The following FRMD4A variants were observed in gnomAD, a reference collection of about 807,000 sequenced individuals.
FRMD4A encodes FERM domain containing 4A, also known as FERM domain-containing protein 4A.
In FRMD4A, 29 loss-of-function variants were observed where a neutral mutation model predicts 129.1. The observed-to-expected ratio is 0.22, with a 90% confidence interval of 0.17 to 0.31. The LOEUF is 0.31. Ranked by LOEUF, FRMD4A falls within the 10% of genes least tolerant of loss-of-function variation. The pLI is 1.00. For synonymous variants in FRMD4A, 634 were observed against 571.6 expected (o/e 1.11, Z -1.56); for missense variants, 1,272 against 1,375.8 (o/e 0.92, Z 1.19).
At chr10:14,106,593 A>G (rs1271347154) in intron 2 of FRMD4A, among the ~76,000 whole-genome samples, 2 of 152,228 alleles carry the variant, frequency 1.3e-5, no homozygotes, top group African/African-American at 2.4e-5. Context: ...TTTTTCTCAC[A>G]TGATAAAAAT....
chr10:14,236,696 T>A (rs966406291), intron 2 of FRMD4A, among the ~76,000 whole-genome samples: 1 of 152,174 alleles, frequency 6.6e-6, no homozygotes, highest in African/African-American at 2.4e-5. Flanking sequence ...TACTGCCTTA[T>A]CTACTGGATG....
intron 16 of FRMD4A, among the ~76,000 whole-genome samples, chr10:13,672,718 A>C (rs7919131): frequency 0.51 from 78,121 of 151,870 alleles, 21,305 homozygotes; most frequent in African/African-American, 0.68. Flanking sequence ...CTCCCCCTCC[A>C]TCATTCTAGT....
rs550975129 is a variant in FRMD4A at position 13,802,059 on chromosome 10, T to C, written c.207-5471A>G. Among the ~76,000 whole-genome samples, 14 of 150,958 alleles carry C rather than the reference T, an allele frequency of 9.3e-5. No individual in the cohort carries two copies. The South Asian group carries it at 2.9e-3, about 32-fold the overall frequency. ...GCCACTCAGAGTATTTTTGTTATTA[T>C]GTGACTGATAACTATCTTTAAAGCT... On this transcript the variant is annotated intron_variant, in intron 4 of 24. Transcript: ENST00000357447.
At chr10:13,697,951 G>C (rs1159902271) in intron 14 of FRMD4A, among the ~76,000 whole-genome samples, 1 of 152,172 alleles carries the variant, frequency 6.6e-6, no homozygotes, top group African/African-American at 2.4e-5. Flanking sequence ...GGTCAGCATA[G>C]AAGTTACCAA....
chr10:14,149,502 G>C (rs1840238660), intron 2 of FRMD4A, among the ~76,000 whole-genome samples: 1 of 151,722 alleles, frequency 6.6e-6, no homozygotes, highest in South Asian at 2.1e-4. Flanking sequence ...CCATGCCTGG[G>C]TAGTTTTTGT....
At chr10:13,676,443 TTTTG>T (rs2084002632) in intron 15 of FRMD4A, among the ~76,000 whole-genome samples, 1 of 151,166 alleles carries the variant, frequency 6.6e-6, no homozygotes, top group African/African-American at 2.4e-5. Flanking sequence ...TTTTTTTTTT[TTTTG>T]TATTTTTAGT....
At chr10:14,180,297 G>A (rs1040541281) in intron 2 of FRMD4A, among the ~76,000 whole-genome samples, 1 of 152,156 alleles carries the variant, frequency 6.6e-6, no homozygotes, top group Non-Finnish European at 1.5e-5. Flanking sequence ...ATTAAGTATG[G>A]TAGTAGATAG....
intron 2 of FRMD4A, among the ~76,000 whole-genome samples, chr10:14,237,661 C>T (rs1288806809): frequency 6.6e-6 from 1 of 152,162 alleles, no homozygotes; most frequent in Non-Finnish European, 1.5e-5. Context: ...GAGAGAGAGA[C>T]AGACAGAGAC....
intron 2 of FRMD4A, among the ~76,000 whole-genome samples, chr10:14,324,147 A>G (rs1218439): frequency 0.85 from 129,040 of 152,176 alleles, 54,964 homozygotes; most frequent in Non-Finnish European, 0.88. Flanking sequence ...AAACAGGTCC[A>G]GCAGAAAATG....
chr10:13,862,064 A>G (rs569886212), intron 2 of FRMD4A, among the ~76,000 whole-genome samples: 1 of 152,328 alleles, frequency 6.6e-6, no homozygotes, highest in Admixed American at 6.5e-5. Flanking sequence ...AAGAAGGAAA[A>G]TGGTATCACA....
At chr10:14,327,035 G>T in intron 2 of FRMD4A, 1 of 398,516 alleles carries the variant, frequency 2.5e-6, no homozygotes, top group East Asian at 3.6e-5. Flanking sequence ...GAAAGAATCA[G>T]TGAGGTCCTC....
chr10:13,964,844 G>C (rs192323340), intron 2 of FRMD4A, among the ~76,000 whole-genome samples: 1 of 151,976 alleles, frequency 6.6e-6, no homozygotes, highest in Admixed American at 6.6e-5. Flanking sequence ...GCCCATCACA[G>C]CCAGCTGATT....
intron 2 of FRMD4A, among the ~76,000 whole-genome samples, chr10:14,122,491 CAT>C (rs1330775447): frequency 6.7e-6 from 1 of 150,344 alleles, no homozygotes; most frequent in Non-Finnish European, 1.5e-5. Flanking sequence ...GTGCAGGAAA[CAT>C]AATGCTGGCA....
intron 2 of FRMD4A, among the ~76,000 whole-genome samples, chr10:13,979,248 C>T (rs1482260487): frequency 4.6e-5 from 7 of 151,998 alleles, no homozygotes; most frequent in Admixed American, 4.6e-4. Flanking sequence ...AGGTCTGGGG[C>T]CTGGTGGGAG....
chr10:13,863,836 C>T (rs561661502), intron 2 of FRMD4A, among the ~76,000 whole-genome samples: 1 of 151,562 alleles, frequency 6.6e-6, no homozygotes, highest in Non-Finnish European at 1.5e-5. Context: ...TGCAGAGTAC[C>T]CAGATCAGAG....
intron 2 of FRMD4A, among the ~76,000 whole-genome samples, chr10:14,125,023 T>C (rs1838754657): frequency 6.6e-6 from 1 of 152,174 alleles, no homozygotes; most frequent in Non-Finnish European, 1.5e-5. Flanking sequence ...AAGCCCTGTG[T>C]AGTGCTGTTT....
chr10:14,131,682 C>T (rs1839268726), intron 2 of FRMD4A, among the ~76,000 whole-genome samples: 1 of 152,140 alleles, frequency 6.6e-6, no homozygotes, highest in African/African-American at 2.4e-5. Context: ...ATTTTAAAAT[C>T]TTGACTCAGG....
intron 16 of FRMD4A, among the ~76,000 whole-genome samples, 159 bp from the exon 17 acceptor site, chr10:13,670,687 T>C (rs2083442366): frequency 6.6e-6 from 1 of 152,212 alleles, no homozygotes; most frequent in African/African-American, 2.4e-5. Flanking sequence ...TTAAGCACTA[T>C]GCCTAAGTAA....
Position 13,821,911 on chromosome 10 carries a change from C to T in FRMD4A, c.112-11003G>A, listed in dbSNP as rs1027889215. Among the ~76,000 whole-genome samples the T allele has an allele frequency of 2.6e-5, 4 of 152,132 alleles. No individual in the cohort carries two copies. Among genetic ancestry groups the T allele is most frequent in the East Asian group, 3.9e-4 (2 of 5,194 alleles). On this transcript the variant is annotated intron_variant, in intron 3 of 24. Transcript: ENST00000357447. This position sits in a 1 kb window ranked among gnomAD's most constrained non-coding sequence, Gnocchi z 4.3. Reference sequence around the variant, plus strand: ...ATAGGTGAGGTGGCCCCGAAGTGCCCGCCACACCTCCATCCTTTGCCCCCG... The same window carrying T: ...ATAGGTGAGGTGGCCCCGAAGTGCCTGCCACACCTCCATCCTTTGCCCCCG...
Sources: gnomAD v4.1 joint callset for allele counts (sites outside exome capture counted in the v4.1 genomes callset) on GRCh38, gnomAD v4.1.1 for gene constraint, Gnocchi (gnomAD v3.1) non-coding constraint, MANE v1.5 for transcripts, NCBI Gene and HGNC (gene_info 2026-07-23, HGNC 2026-07-21) for gene names.